Variants in SETDB2 observed in about 807,000 individuals in gnomAD.
SETDB2 encodes SET domain bifurcated histone lysine methyltransferase 2.
Under a neutral mutation model 82.5 loss-of-function variants are expected in SETDB2, and 56 were observed. The observed-to-expected ratio is 0.68, with a 90% confidence interval of 0.55 to 0.85. SETDB2 has a LOEUF of 0.85. Among genes scored for constraint, SETDB2 ranks in the 40% least tolerant of loss-of-function variants. SETDB2 has a pLI of 0.00. For missense variants in SETDB2, 677 were observed against 816.4 expected (o/e 0.83, Z 2.08); for synonymous variants, 272 against 284.9 (o/e 0.95, Z 0.46).
intron 2 of SETDB2, among the ~76,000 whole-genome samples, chr13:49,456,692 ATTGT>A (rs1175210356): frequency 5.3e-5 from 8 of 152,190 alleles, no homozygotes; most frequent in African/African-American, 1.9e-4. Context: ...AGAAACTAAA[ATTGT>A]TTGTATTGTA....
At chr13:49,456,612 C>T (rs546532304) in intron 2 of SETDB2, among the ~76,000 whole-genome samples, 2 of 152,012 alleles carry the variant, frequency 1.3e-5, no homozygotes, top group East Asian at 1.9e-4. Context: ...TAAAATATAC[C>T]GAAATATTTA....
Position 49,480,305 on chromosome 13 carries a change from A to G in SETDB2, c.956A>G (p.Tyr319Cys). The G allele has an allele frequency of 1.2e-6, 2 of 1,609,142 alleles. No individual in the cohort carries two copies. The highest frequency in any genetic ancestry group is 1.1e-5 in the South Asian group (1 of 90,196). ...GACAAAATAACCACTGGATATAAAT[A>G]TAAAAGACTACAGAGACAGATTCCT... is the stretch of plus-strand genomic sequence containing the variant. ...SSDKITTGYKYKRLQRQIPTG... is the reference protein window; with the variant it reads ...SSDKITTGYKCKRLQRQIPTG... Residue 319 changes from tyrosine (Y) to cysteine (C), a missense_variant, in exon 7 of 14, where the codon TAT becomes TGT. Tyr to Cys is a radical substitution (Grantham distance 194, BLOSUM62 -2). Coordinates refer to ENST00000611815, the MANE Select transcript of SETDB2 (RefSeq NM_001160308.3).
At position 49,451,713 on chromosome 13, in the gene SETDB2, A is replaced by G; in HGVS notation, c.-181A>G. 2.4e-6 allele frequency: 1 copy of G among 415,560 alleles called. No individual in the cohort carries two copies. 25.7% of individuals were successfully genotyped at this position (415,560 alleles called of 1,614,324 possible). ...ATTTCTGAAAGTTTCTTCAGCCACA[A>G]TTTCTATTTGAAAATTCAAGTATCA... On this transcript the variant is annotated 5_prime_UTR_variant, in exon 2 of 14. Coordinates refer to ENST00000611815, the MANE Select transcript of SETDB2 (RefSeq NM_001160308.3).
chr13:49,457,779 G>T (rs1262387490), intron 2 of SETDB2, among the ~76,000 whole-genome samples: 1 of 152,108 alleles, frequency 6.6e-6, no homozygotes, highest in African/African-American at 2.4e-5. Flanking sequence ...CTTGATTGTT[G>T]TCTTTCAGCA....
At chr13:49,478,918 C>A (rs1350428347) in intron 6 of SETDB2, among the ~76,000 whole-genome samples, 1 of 152,042 alleles carries the variant, frequency 6.6e-6, no homozygotes, top group Non-Finnish European at 1.5e-5. Flanking sequence ...CAGAGTGAGA[C>A]CCCTTCTCAA....
intron 4 of SETDB2, among the ~76,000 whole-genome samples, chr13:49,461,795 T>G (rs1227279768): frequency 1.3e-5 from 2 of 152,194 alleles, no homozygotes; most frequent in East Asian, 3.8e-4. Flanking sequence ...CCCACCAACT[T>G]GCTCCCACTT....
chr13:49,490,171 T>C (rs1197627597), intron 12 of SETDB2, among the ~76,000 whole-genome samples: 1 of 148,484 alleles, frequency 6.7e-6, no homozygotes, highest in African/African-American at 2.5e-5. Context: ...TCCCAGCTAC[T>C]TGGGAGGCTG....
rs1958738243 is a variant in SETDB2, at chr13:49,492,802, T to C, written c.*953T>C. 1 of 152,100 alleles carries C rather than the reference T, an allele frequency of 6.6e-6. No individual in the cohort carries two copies. Among genetic ancestry groups the C allele is most frequent in the Non-Finnish European group, 1.5e-5 (1 of 68,056 alleles). The allele number at this position is 152,100 out of a possible 1,614,324, so 9.4% of individuals were successfully genotyped here. A position where few individuals can be genotyped will look rare whatever the true frequency, so the allele number is the denominator to read the frequency against. ...GTCAAAACCCTGTCTCTACAAAAAATACAAAAATTAGCCTGGCATGATGGC... is the reference window on the plus strand; with the variant it reads ...GTCAAAACCCTGTCTCTACAAAAAACACAAAAATTAGCCTGGCATGATGGC... On this transcript the variant is annotated 3_prime_UTR_variant, in exon 14 of 14. Coordinates refer to ENST00000611815, the MANE Select transcript of SETDB2 (RefSeq NM_001160308.3).
chr13:49,475,992 C>G (rs907018306), intron 5 of SETDB2, among the ~76,000 whole-genome samples: 4 of 152,022 alleles, frequency 2.6e-5, no homozygotes, highest in African/African-American at 9.7e-5. Context: ...ATGCAAAGAG[C>G]TTGATCTCAG....
Position 49,491,813 on chromosome 13 carries a change from A to G in SETDB2, c.2088A>G (p.Gln696=). 3 of 1,612,758 alleles carry G rather than the reference A, an allele frequency of 1.9e-6. No individual in the cohort carries two copies. Among genetic ancestry groups the G allele is most frequent in the South Asian group, 1.1e-5 (1 of 90,888 alleles). The change falls in exon 14 of 14, where the codon CAA becomes CAG. Residue 696 remains glutamine (Q), a synonymous_variant. Coordinates refer to ENST00000611815, the MANE Select transcript of SETDB2 (RefSeq NM_001160308.3). ...GTVPEKEIFC[Q]CGVNKCRKKI... ...TGCCTGAGAAGGAAATCTTCTGCCA[A>G]TGTGGGGTTAATAAATGTAGAAAAA...
chr13:49,491,938 C>G lies in SETDB2; in HGVS notation c.*89C>G, dbSNP rs912690068. The G allele has an allele frequency of 1.1e-6, 1 of 891,984 alleles. No homozygotes were observed. Among genetic ancestry groups the G allele is most frequent in the African/African-American group, 1.6e-5 (1 of 61,090 alleles). The allele number at this position is 891,984 out of a possible 1,614,324, so 55.3% of individuals were successfully genotyped here. ...AAGGTCTAGGTCCATCAAGGAAATTCCCCTCCGTTTTCCTTTGTCATGGGG... is the reference window on the plus strand; with the variant it reads ...AAGGTCTAGGTCCATCAAGGAAATTGCCCTCCGTTTTCCTTTGTCATGGGG... On this transcript the variant is annotated 3_prime_UTR_variant, in exon 14 of 14. Transcript: ENST00000611815.
chr13:49,493,366 G>A lies in SETDB2; in HGVS notation c.*1517G>A, dbSNP rs549546373. ...ATCAGCCAGTATTTCTTTGAGCTCT[G>A]CCTGTGGAGTCCATTTGACCTTTAG... On this transcript the variant is annotated 3_prime_UTR_variant, in exon 14 of 14. Transcript: ENST00000611815. The A allele has an allele frequency of 1.3e-5, 2 of 152,184 alleles. No individual in the cohort carries two copies. Among genetic ancestry groups the A allele is most frequent in the Non-Finnish European group, 2.9e-5 (2 of 68,046 alleles). 9.4% of individuals were successfully genotyped at this position (152,184 alleles called of 1,614,324 possible). A position where few individuals can be genotyped will look rare whatever the true frequency, so the allele number is the denominator to read the frequency against.
At chr13:49,466,683 C>T (rs1433007865) in intron 4 of SETDB2, among the ~76,000 whole-genome samples, 1 of 152,090 alleles carries the variant, frequency 6.6e-6, no homozygotes, top group East Asian at 1.9e-4. Context: ...CTTCCTCTGT[C>T]GCTCAGGCTG....
rs1958721402 is a variant in SETDB2 at position 49,491,932 on chromosome 13, G to A, written c.*83G>A. On this transcript the variant is annotated 3_prime_UTR_variant, in exon 14 of 14. Transcript: ENST00000611815. ...CAAAAGAAGGTCTAGGTCCATCAAG[G>A]AAATTCCCCTCCGTTTTCCTTTGTC... 2.2e-6 allele frequency: 2 copies of A among 917,982 alleles called. No individual in the cohort carries two copies. Among genetic ancestry groups the A allele is most frequent in the African/African-American group, 3.2e-5 (2 of 61,582 alleles). The allele number at this position is 917,982 out of a possible 1,614,324, so 56.9% of individuals were successfully genotyped here. A position where few individuals can be genotyped will look rare whatever the true frequency, so the allele number is the denominator to read the frequency against.
intron 2 of SETDB2, among the ~76,000 whole-genome samples, chr13:49,458,581 A>G (rs190414219): frequency 2.0e-5 from 3 of 152,290 alleles, no homozygotes; most frequent in South Asian, 2.1e-4. Context: ...TGTTCTACAT[A>G]AGACCCTTCT....
Position 49,476,707 on chromosome 13 carries a change from T to G in SETDB2, c.537T>G (p.Tyr179Ter), listed in dbSNP as rs1958371665. Residue 179 changes from tyrosine (Y) to a stop codon, truncating the protein, a stop_gained, in exon 6 of 14, where the codon TAT becomes TAG. Transcript: ENST00000611815. LOFTEE classifies it high-confidence loss of function. ...NSHSSALHVS[Y>*]KTPCGRSLRN... ...ATTCTTCAGCACTCCACGTGAGTTATAAAACCCCTTGTGGAAGGAGTCTAC... is the reference window on the plus strand; with the variant it reads ...ATTCTTCAGCACTCCACGTGAGTTAGAAAACCCCTTGTGGAAGGAGTCTAC... 3 of 1,614,234 alleles carry G rather than the reference T, an allele frequency of 1.9e-6. No individual in the cohort carries two copies. The highest frequency in any genetic ancestry group is 2.5e-6 in the Non-Finnish European group (3 of 1,180,042).
chr13:49,451,937 TTATATC>T (rs760721696), intron 2 of SETDB2, 28 bp downstream of exon 2: 20 of 1,547,266 alleles, frequency 1.3e-5, no homozygotes, highest in African/African-American at 1.4e-5. Context: ...CTGTTACACT[TTATATC>T]TAAAAGTATA....
Position 49,476,731 on chromosome 13 carries a change from A to G in SETDB2, c.561A>G (p.Leu187=), listed in dbSNP as rs775853055. 98 of 1,614,132 alleles carry G rather than the reference A, an allele frequency of 6.1e-5. No homozygotes were observed. The highest frequency in any genetic ancestry group is 7.9e-5 in the Non-Finnish European group (93 of 1,180,050). ...VSYKTPCGRS[L]RNVEEVFRYL... ...ATAAAACCCCTTGTGGAAGGAGTCTACGAAACGTGGAGGAAGTTTTTCGTT... is the reference window on the plus strand; with the variant it reads ...ATAAAACCCCTTGTGGAAGGAGTCTGCGAAACGTGGAGGAAGTTTTTCGTT... The change falls in exon 6 of 14, where the codon CTA becomes CTG. Residue 187 remains leucine (L), a synonymous_variant. Coordinates refer to ENST00000611815, the MANE Select transcript of SETDB2 (RefSeq NM_001160308.3).
At position 49,455,549 on chromosome 13, in the gene SETDB2, C is replaced by G. The variant is rs139870196; in HGVS notation, c.16+3640C>G. On this transcript the variant is annotated intron_variant, in intron 2 of 13. Coordinates refer to ENST00000611815, the MANE Select transcript of SETDB2 (RefSeq NM_001160308.3). ...CATTTGTTAATATAGCTACTGATCT[C>G]ATTTTAAAAGTGGTTAACTCTTCAG... 5.3e-5 allele frequency among the ~76,000 whole-genome samples: 8 copies of G among 152,200 alleles called. No individual in the cohort carries two copies. In the South Asian group the frequency reaches 1.7e-3, roughly 32 times the overall value.
Sources: allele counts gnomAD v4.1 joint callset (sites outside exome capture counted in the v4.1 genomes callset), GRCh38; gene constraint gnomAD v4.1.1; transcripts MANE v1.5; gene names NCBI Gene and HGNC (gene_info 2026-07-23, HGNC 2026-07-21).